RBFOX1: variants seen among roughly 807,000 people sequenced by gnomAD.
RBFOX1 encodes RNA binding protein fox-1 homolog 1.
RBFOX1 carries 8 observed loss-of-function variants against 57.7 expected under a neutral mutation model. That is an observed-to-expected ratio of 0.14 (90% confidence interval 0.08 to 0.25). The LOEUF is 0.25. RBFOX1 is among the 10% of genes least tolerant of loss of function. The probability of loss-of-function intolerance (pLI) is 1.00; values close to 1 mark genes in which losing one functional copy is unlikely to be tolerated. For missense variants in RBFOX1, 611 were observed against 548.5 expected (o/e 1.11, Z -1.14); for synonymous variants, 326 against 222.4 (o/e 1.47, Z -4.15).
At chr16:5,364,953 G>A (rs1465604287) in intron 1 of RBFOX1, among the ~76,000 whole-genome samples, 1 of 152,212 alleles carries the variant, frequency 6.6e-6, no homozygotes, top group Non-Finnish European at 1.5e-5. Context: ...AGGATGCTGA[G>A]GAGGAGGAAG....
At chr16:6,942,939 C>T (rs765341720) in intron 3 of RBFOX1, among the ~76,000 whole-genome samples, 11 of 152,118 alleles carry the variant, frequency 7.2e-5, no homozygotes, top group East Asian at 1.9e-4. Context: ...ATTGGAGATT[C>T]GACATCACCA....
At chr16:5,967,423 T>C (rs892352178) in intron 4 of RBFOX1, among the ~76,000 whole-genome samples, 2 of 152,206 alleles carry the variant, frequency 1.3e-5, no homozygotes, top group African/African-American at 4.8e-5. Context: ...CTTAACCCGG[T>C]ATTGGAATCA....
At chr16:6,654,491 T>A (rs2154089428) in intron 2 of RBFOX1, 112 bp from the exon 3 acceptor site, 1 of 809,314 alleles carries the variant, frequency 1.2e-6, no homozygotes, top group African/African-American at 1.8e-5. Context: ...ATTAGGAGCA[T>A]GAGCTCTTTA....
At chr16:7,031,843 G>T (rs2042881482) in intron 3 of RBFOX1, among the ~76,000 whole-genome samples, 1 of 152,098 alleles carries the variant, frequency 6.6e-6, no homozygotes, top group South Asian at 2.1e-4. Context: ...GTCCTTGCTG[G>T]CCTGCTGGAC....
intron 1 of RBFOX1, among the ~76,000 whole-genome samples, chr16:6,120,001 C>G (rs566526325): frequency 6.6e-6 from 1 of 152,252 alleles, no homozygotes; most frequent in African/African-American, 2.4e-5. Context: ...ATAGATTTTC[C>G]TTTTCTGGAT....
At chr16:7,190,784 C>G (rs1023320944) in intron 4 of RBFOX1, among the ~76,000 whole-genome samples, 11 of 152,176 alleles carry the variant, frequency 7.2e-5, no homozygotes, top group African/African-American at 2.4e-4. Flanking sequence ...TGGCATTGCT[C>G]ATATTCGCCA....
intron 2 of RBFOX1, among the ~76,000 whole-genome samples, chr16:6,651,166 T>G (rs933598469): frequency 2.0e-5 from 3 of 152,096 alleles, no homozygotes; most frequent in Admixed American, 2.0e-4. Flanking sequence ...TCTCCCAGAG[T>G]GCTGGGATTG....
chr16:5,294,679 C>A (rs944420686), intron 1 of RBFOX1, among the ~76,000 whole-genome samples: 3 of 152,078 alleles, frequency 2.0e-5, no homozygotes, highest in African/African-American at 7.2e-5. Flanking sequence ...TTGCCCTTTC[C>A]TTTCACATTT....
At chr16:6,730,441 A>C (rs1442341219) in intron 3 of RBFOX1, among the ~76,000 whole-genome samples, 1 of 23,068 alleles carries the variant, frequency 4.3e-5, no homozygotes, top group African/African-American at 4.7e-5. Flanking sequence ...CTAATCTATC[A>C]ATTTATCAAA....
intron 2 of RBFOX1, among the ~76,000 whole-genome samples, chr16:6,542,483 CTTTTTTTTTT>C (rs71145245): frequency 3.6e-5 from 2 of 55,720 alleles, no homozygotes; most frequent in Non-Finnish European, 6.1e-5. Context: ...GGACCATAGT[CTTTTTTTTTT>C]TTTTTTTTTT....
At chr16:5,801,822 C>G (rs2055066588) in intron 3 of RBFOX1, among the ~76,000 whole-genome samples, 1 of 152,172 alleles carries the variant, frequency 6.6e-6, no homozygotes, top group Non-Finnish European at 1.5e-5. Context: ...AAATTATCGC[C>G]TAGCATCATT....
intron 4 of RBFOX1, among the ~76,000 whole-genome samples, chr16:7,459,733 C>A (rs906845067): frequency 1.3e-5 from 2 of 152,172 alleles, no homozygotes; most frequent in African/African-American, 2.4e-5. Context: ...ACCAGAAAAT[C>A]TTTCCCAGAT....
intron 2 of RBFOX1, among the ~76,000 whole-genome samples, chr16:6,388,662 C>T (rs944894415): frequency 1.7e-4 from 26 of 152,050 alleles, no homozygotes; most frequent in African/African-American, 5.1e-4. Flanking sequence ...ATTGCTTGAA[C>T]CTAGGAGTTT....
At chr16:6,285,259 A>AT (rs1175436666) in intron 1 of RBFOX1, among the ~76,000 whole-genome samples, 2 of 152,198 alleles carry the variant, frequency 1.3e-5, no homozygotes, top group Non-Finnish European at 2.9e-5. Context: ...TAGATTCTGC[A>AT]TAAGCCTCCA....
At chr16:6,829,318 A>G (rs2092502193) in intron 3 of RBFOX1, among the ~76,000 whole-genome samples, 1 of 152,060 alleles carries the variant, frequency 6.6e-6, no homozygotes, top group Admixed American at 6.6e-5. Context: ...CTACATAAAT[A>G]CATATATAAG....
At chr16:5,401,578 C>T (rs1398291218) in intron 1 of RBFOX1, among the ~76,000 whole-genome samples, 6 of 152,088 alleles carry the variant, frequency 3.9e-5, no homozygotes, top group Admixed American at 3.9e-4. Flanking sequence ...ACACCCTTCC[C>T]CTAAAAATGA....
chr16:7,545,866 G>A lies in RBFOX1; in HGVS notation c.270+27477G>A, dbSNP rs761808276. On this transcript the variant is annotated intron_variant, in intron 5 of 15. Transcript: ENST00000550418. The stretch of plus-strand genomic sequence containing the variant: ...TCAGAGCCTCTGTCTCTGCATCGGG[G>A]GAGCAGAACCAGGAATGCTGGTCCT... Among the ~76,000 whole-genome samples, 35 of 152,114 alleles carry A rather than the reference G, an allele frequency of 2.3e-4. No individual in the cohort carries two copies. In the East Asian group the frequency reaches 5.0e-3, roughly 22 times the overall value.
At chr16:7,522,883 T>C (rs953493557) in intron 5 of RBFOX1, among the ~76,000 whole-genome samples, 3 of 152,238 alleles carry the variant, frequency 2.0e-5, no homozygotes, top group African/African-American at 7.2e-5. Context: ...GTATACACTT[T>C]GATACATTTT....
chr16:6,824,298 A>T (rs1176234228), intron 3 of RBFOX1, among the ~76,000 whole-genome samples: 1 of 152,100 alleles, frequency 6.6e-6, no homozygotes, highest in African/African-American at 2.4e-5. Context: ...CCGGCTACTC[A>T]TGGAGGCTGC....
Sources: gnomAD v4.1 joint callset for allele counts (sites outside exome capture counted in the v4.1 genomes callset) on GRCh38, gnomAD v4.1.1 for gene constraint, MANE v1.5 for transcripts, NCBI Gene and HGNC (gene_info 2026-07-23, HGNC 2026-07-21) for gene names.